XAB2: variants seen among roughly 807,000 people sequenced by gnomAD.
The protein encoded by XAB2 is XPA binding protein 2.
In XAB2, 57 loss-of-function variants were observed where a neutral mutation model predicts 113.4. That is an observed-to-expected ratio of 0.50 (90% CI 0.41 to 0.63). The LOEUF (loss-of-function observed/expected upper bound fraction) is 0.63. Among genes scored for constraint, XAB2 ranks in the 20% least tolerant of loss-of-function variants. XAB2 has a pLI of 0.00. For missense variants in XAB2, 1,037 were observed against 1,233.3 expected (o/e 0.84, Z 2.38); for synonymous variants, 497 against 498.8 (o/e 1.00, Z 0.05).
Position 7,624,761 on chromosome 19 carries a change from A to AC in XAB2, c.823-317dup, listed in dbSNP as rs1431257548. 2.0e-5 allele frequency among the ~76,000 whole-genome samples: 3 copies of AC among 151,312 alleles called. No homozygotes were observed. The highest frequency in any genetic ancestry group is 3.0e-5 in the Non-Finnish European group (2 of 67,744). ...CTTGGCACCCAATAGGTGGCCAAAA[A>AC]CCCCCCAGCGCCTATGGGTCCACCC... On this transcript the variant is annotated intron_variant, in intron 6 of 18. Coordinates refer to ENST00000358368, the MANE Select transcript of XAB2 (RefSeq NM_020196.3). This position sits in a 1 kb window ranked among gnomAD's most constrained non-coding sequence, Gnocchi z 4.2.
intron 4 of XAB2, among the ~76,000 whole-genome samples, chr19:7,626,931 G>T (rs537761414): frequency 1.3e-5 from 2 of 152,164 alleles, no homozygotes; most frequent in Non-Finnish European, 2.9e-5. Context: ...CTTCATGGCT[G>T]TGGTTTTACT....
In XAB2 at chr19:7,627,250, A is replaced by T. The variant is rs1368975079; in HGVS notation, c.515T>A (p.Phe172Tyr). 1 of 1,612,692 alleles carries T rather than the reference A, an allele frequency of 6.2e-7. No individual in the cohort carries two copies. Among genetic ancestry groups the T allele is most frequent in the South Asian group, 1.1e-5 (1 of 91,084 alleles). The change falls in exon 4 of 19, where the codon TTC (phenylalanine) becomes TAC (tyrosine). Residue 172 changes from phenylalanine (F) to tyrosine (Y), a missense_variant. Phe to Tyr is a conservative substitution (Grantham distance 22). Coordinates refer to ENST00000358368, the MANE Select transcript of XAB2 (RefSeq NM_020196.3). The surrounding 1 kb of genome is among the most constrained non-coding windows in gnomAD (Gnocchi z 4.5). ...CGCACCTGCTAGGCTCACCTTGAGG[A>T]AGCGCCGATAGCCTCGCACAGCTGT... ...PETAVRGYRR[F>Y]LKLSPESAEE...
chr19:7,621,323 T>G, intron 12 of XAB2, 26 bp from the exon 13 acceptor site: 1 of 1,609,270 alleles, frequency 6.2e-7, no homozygotes, highest in Non-Finnish European at 8.5e-7. Context: ...GAGTCACATG[T>G]GAGAGTCTGC....
In XAB2 at chr19:7,628,326, A is replaced by T; in HGVS notation, c.52-28T>A. On this transcript the variant is annotated intron_variant, in intron 1 of 18. Transcript: ENST00000358368. The surrounding 1 kb of genome is among the most constrained non-coding windows in gnomAD (Gnocchi z 4.6). ...GCCAGGGCCAGGGAATGGGAAGAAG[A>T]GAGGCCTACCCTCAGAGCCTGTGTG... is the stretch of plus-strand genomic sequence containing the variant. 8.7e-6 allele frequency: 14 copies of T among 1,613,408 alleles called. No individual in the cohort carries two copies. Among genetic ancestry groups the T allele is most frequent in the Non-Finnish European group, 1.2e-5 (14 of 1,179,924 alleles).
Position 7,628,176 on chromosome 19 carries a change from CT to C in XAB2, c.173del (p.Glu58GlyfsTer18). 6.2e-7 allele frequency: 1 copy of C among 1,613,802 alleles called. No individual in the cohort carries two copies. Among genetic ancestry groups the C allele is most frequent in the Non-Finnish European group, 8.5e-7 (1 of 1,179,892 alleles). On this transcript the variant is annotated frameshift_variant, in exon 2 of 19. Transcript: ENST00000358368. LOFTEE classifies it high-confidence loss of function. This position sits in a 1 kb window ranked among gnomAD's most constrained non-coding sequence, Gnocchi z 4.6. ...TGCAGGGCAGCAGCTTGAGTGCCCG[CT>C]CGTATAGCTGATTGAGCCTGGGCTT... ...APKPRLNQLY[E>X]RALKLLPCSY... is the part of the protein sequence containing the mutation.
Position 7,628,104 on chromosome 19 carries a change from A to G in XAB2, c.200+46T>C, listed in dbSNP as rs759782931. The G allele has an allele frequency of 6.3e-6, 10 of 1,587,940 alleles. No homozygotes were observed. In the South Asian group the frequency reaches 1.1e-4, roughly 18 times the overall value. ...TTGGCAGTTTTGTTATAACTGGACC[A>G]GGTGGGGTGGGGGCTGGTGGGCAGG... On this transcript the variant is annotated intron_variant, in intron 2 of 18. Coordinates refer to ENST00000358368, the MANE Select transcript of XAB2 (RefSeq NM_020196.3). The surrounding 1 kb of genome is among the most constrained non-coding windows in gnomAD (Gnocchi z 4.6).
rs1037768089 is a variant in XAB2 at position 7,625,070 on chromosome 19, G to C, written c.823-625C>G. ...AGCATGGCCAGCCCGTTTGGCTTTC[G>C]AGGCTCCCAACCTATCTTCCCTGGG... is the stretch of plus-strand genomic sequence containing the variant. On this transcript the variant is annotated intron_variant, in intron 6 of 18. Transcript: ENST00000358368. This position sits in a 1 kb window ranked among gnomAD's most constrained non-coding sequence, Gnocchi z 5.2. Among the ~76,000 whole-genome samples, 1 of 152,180 alleles carries C rather than the reference G, an allele frequency of 6.6e-6. No individual in the cohort carries two copies. Among genetic ancestry groups the C allele is most frequent in the Non-Finnish European group, 1.5e-5 (1 of 68,016 alleles).
Position 7,620,441 on chromosome 19 carries a change from G to A in XAB2, c.2100C>T (p.Thr700=), listed in dbSNP as rs776915758. ...FCSQICDPRT[T]GAFWQTWKDF... ...CCTTCCACGTCTGCCAGAACGCGCC[G>A]GTCGTCTGCGTGGGGGGCAGGGCAG... The change falls in exon 16 of 19, where the codon ACC becomes ACT. Residue 700 remains threonine, a synonymous_variant. Coordinates refer to ENST00000358368, the MANE Select transcript of XAB2 (RefSeq NM_020196.3). 1.4e-5 allele frequency: 22 copies of A among 1,608,532 alleles called. No homozygotes were observed. Among genetic ancestry groups the A allele is most frequent in the South Asian group, 5.5e-5 (5 of 90,980 alleles).
chr19:7,620,390 C>T lies in XAB2; in HGVS notation c.2151G>A (p.Glu717=). 6.2e-7 allele frequency: 1 copy of T among 1,612,408 alleles called. No homozygotes were observed. Among genetic ancestry groups the T allele is most frequent in the African/African-American group, 1.3e-5 (1 of 75,046 alleles). Residue 717 remains glutamate, a synonymous_variant, in exon 16 of 19, where the codon GAG becomes GAA. Coordinates refer to ENST00000358368, the MANE Select transcript of XAB2 (RefSeq NM_020196.3). ...WKDFEVRHGN[E]DTIKEMLRIR... The stretch of plus-strand genomic sequence containing the variant: ...TACGCAGCATTTCCTTGATGGTGTC[C>T]TCATTGCCATGCCGGACCTCAAAGT...
At position 7,619,758 on chromosome 19, in the gene XAB2, A is replaced by G; in HGVS notation, c.2495T>C (p.Leu832Pro). ...AGCCGGGCCCTCACCGTTGGGCTCCAGGTCCATCTCGTCCTCGTCCTCGTC... is the reference window on the plus strand; with the variant it reads ...AGCCGGGCCCTCACCGTTGGGCTCCGGGTCCATCTCGTCCTCGTCCTCGTC... ...GEDEDEDEMD[L>P]EPNEVRLEQQ... The change falls in exon 18 of 19, where the codon CTG (leucine) becomes CCG (proline). Residue 832 changes from leucine to proline, a missense_variant. By Grantham distance (98) the Leu-to-Pro change is moderately conservative. Coordinates refer to ENST00000358368, the MANE Select transcript of XAB2 (RefSeq NM_020196.3). 6.2e-7 allele frequency: 1 copy of G among 1,613,694 alleles called. No individual in the cohort carries two copies.
At position 7,623,061 on chromosome 19, in the gene XAB2, C is replaced by A; in HGVS notation, c.1239+109G>T. ...ATGCATGCACCCAAATGCACATGCA[C>A]ACACACGTGCACACATCCATGCACA... On this transcript the variant is annotated intron_variant, in intron 9 of 18. Transcript: ENST00000358368. The surrounding 1 kb of genome is among the most constrained non-coding windows in gnomAD (Gnocchi z 4.6). 6.4e-7 allele frequency: 1 copy of A among 1,558,112 alleles called. No homozygotes were observed. Among genetic ancestry groups the A allele is most frequent in the South Asian group, 1.2e-5 (1 of 84,286 alleles).
intron 9 of XAB2, 31 bp from the exon 10 acceptor site, chr19:7,622,924 C>A (rs1334271413): frequency 4.4e-6 from 7 of 1,608,954 alleles, no homozygotes; most frequent in Non-Finnish European, 5.9e-6. Flanking sequence ...GAGGCTGAGA[C>A]CCTGCCCACC....
Position 7,624,168 on chromosome 19 carries a change from C to A in XAB2, c.967+133G>T. On this transcript the variant is annotated intron_variant, in intron 7 of 18. Coordinates refer to ENST00000358368, the MANE Select transcript of XAB2 (RefSeq NM_020196.3). This position sits in a 1 kb window ranked among gnomAD's most constrained non-coding sequence, Gnocchi z 4.2. ...TCCTTCAAGACCCCCACACCCCCTG[C>A]ATCCACTCAGCCTCCTTCCCTGCTG... 3 of 1,423,166 alleles carry A rather than the reference C, an allele frequency of 2.1e-6. No homozygotes were observed. The Admixed American group carries it at 5.4e-5, about 26-fold the overall frequency. 88.2% of individuals were successfully genotyped at this position (1,423,166 alleles called of 1,614,324 possible).
chr19:7,623,641 A>T lies in XAB2; in HGVS notation c.1119+90T>A. The T allele has an allele frequency of 6.7e-7, 1 of 1,486,564 alleles. No homozygotes were observed. The allele number at this position is 1,486,564 out of a possible 1,614,324, so 92.1% of individuals were successfully genotyped here. On this transcript the variant is annotated intron_variant, in intron 8 of 18. Transcript: ENST00000358368. This position sits in a 1 kb window ranked among gnomAD's most constrained non-coding sequence, Gnocchi z 4.6. ...ACCTACTAAGCAAAGTCAGGCCCCT[A>T]GAAGGTGACATTATGGGTGAAGGTG... is the stretch of plus-strand genomic sequence containing the variant.
In XAB2 at chr19:7,626,048, C is replaced by T. The variant is rs780003594; in HGVS notation, c.658-4G>A. On this transcript the variant is annotated splice_polypyrimidine_tract_variant and splice_region_variant and intron_variant, in intron 5 of 18. Transcript: ENST00000358368. ...GGTCGCACAGCTCGTGCCACAGCTG[C>T]AGGGCATGGGGCAGTGGGGGAGAGT... 18 of 1,608,472 alleles carry T rather than the reference C, an allele frequency of 1.1e-5. 1 individual carries two copies. The South Asian group carries it at 2.0e-4, about 18-fold the overall frequency.
rs2031126090 is a variant in XAB2, at chr19:7,625,745, C to G, written c.822+135G>C. The G allele has an allele frequency of 4.7e-6, 6 of 1,268,338 alleles. No individual in the cohort carries two copies. Among genetic ancestry groups the G allele is most frequent in the Non-Finnish European group, 6.4e-6 (6 of 943,062 alleles). 78.6% of individuals were successfully genotyped at this position (1,268,338 alleles called of 1,614,324 possible). On this transcript the variant is annotated intron_variant, in intron 6 of 18. Coordinates refer to ENST00000358368, the MANE Select transcript of XAB2 (RefSeq NM_020196.3). The surrounding 1 kb of genome is among the most constrained non-coding windows in gnomAD (Gnocchi z 5.2). ...CCTACCGCCTCGGCCTCCCAAAGTG[C>G]TGGGATGACAGGTGTGAGCCACCAC...
Position 7,625,647 on chromosome 19 carries a change from T to G in XAB2, c.822+233A>C, listed in dbSNP as rs953011998. On this transcript the variant is annotated intron_variant, in intron 6 of 18. Transcript: ENST00000358368. This position sits in a 1 kb window ranked among gnomAD's most constrained non-coding sequence, Gnocchi z 5.2. ...GCGCGCACCACCATGTCTGACTAAT[T>G]TTTGTATTTTTAGTAGTGATGGGGT... 1.3e-5 allele frequency among the ~76,000 whole-genome samples: 2 copies of G among 151,864 alleles called. No homozygotes were observed. Among genetic ancestry groups the G allele is most frequent in the Admixed American group, 6.6e-5 (1 of 15,248 alleles).
rs375722248 is a variant in XAB2, at chr19:7,623,757, C to T, written c.1093G>A (p.Ala365Thr). The change falls in exon 8 of 19, where the codon GCC becomes ACC. Residue 365 changes from alanine (A) to threonine (T), a missense_variant. By Grantham distance (58) the Ala-to-Thr change is moderately conservative (BLOSUM62 0). Transcript: ENST00000358368. The surrounding 1 kb of genome is among the most constrained non-coding windows in gnomAD (Gnocchi z 4.6). ...HHVHEWHKRVALHQGRPREII... is the reference protein window; with the variant it reads ...HHVHEWHKRVTLHQGRPREII... Reference sequence around the variant, plus strand: ...TCCCGGGGGCGGCCCTGGTGCAGGGCGACACGCTTGTGCCACTCGTGCACG... The same window carrying T: ...TCCCGGGGGCGGCCCTGGTGCAGGGTGACACGCTTGTGCCACTCGTGCACG... 21 of 1,609,304 alleles carry T rather than the reference C, an allele frequency of 1.3e-5. No individual in the cohort carries two copies. The highest frequency in any genetic ancestry group is 1.2e-4 in the African/African-American group (9 of 74,822).
In XAB2 at chr19:7,629,535, G is replaced by C. The variant is rs759016762; in HGVS notation, c.-8C>G. The stretch of plus-strand genomic sequence containing the variant: ...TCGCGCCATCACCACCATTTTTCTG[G>C]ATGCCCAGGTACAGGAGAGAGTCGC... On this transcript the variant is annotated 5_prime_UTR_variant, in exon 1 of 19. The change creates a new upstream start codon in the 5' untranslated region. Transcript: ENST00000358368. 2.5e-6 allele frequency: 4 copies of C among 1,603,246 alleles called. No individual in the cohort carries two copies. Among genetic ancestry groups the C allele is most frequent in the Middle Eastern group, 1.7e-4 (1 of 6,048 alleles).
Sources: gnomAD v4.1 joint callset for allele counts (sites outside exome capture counted in the v4.1 genomes callset) on GRCh38, gnomAD v4.1.1 for gene constraint, Gnocchi (gnomAD v3.1) non-coding constraint, MANE v1.5 for transcripts, NCBI Gene and HGNC (gene_info 2026-07-23, HGNC 2026-07-21) for gene names.